Variants in PCCA observed in about 807,000 individuals in gnomAD.
The protein encoded by PCCA is propionyl-CoA carboxylase alpha chain, mitochondrial.
Under a neutral mutation model 101.3 loss-of-function variants are expected in PCCA, and 74 were observed. The observed-to-expected ratio is 0.73, with a 90% confidence interval of 0.61 to 0.89. The LOEUF is 0.89. Among genes scored for constraint, PCCA ranks in the 40% least tolerant of loss-of-function variants. The pLI is 0.00. For missense variants in PCCA, 891 were observed against 907.0 expected, an observed-to-expected ratio of 0.98 and a Z score of 0.23; for synonymous variants, 294 against 313.6, an observed-to-expected ratio of 0.94 and a Z score of 0.66.
chr13:100,447,837 C>T (rs1187022054), intron 20 of PCCA, among the ~76,000 whole-genome samples: 2 of 152,172 alleles, frequency 1.3e-5, no homozygotes, highest in African/African-American at 4.8e-5. Context: ...AAACCACTGT[C>T]TTTCTTATTG....
At chr13:100,429,427 G>A (rs545633085) in intron 20 of PCCA, among the ~76,000 whole-genome samples, 2 of 151,844 alleles carry the variant, frequency 1.3e-5, no homozygotes, top group African/African-American at 2.4e-5. Context: ...ATTGATTACT[G>A]TAGTAATTGA....
intron 12 of PCCA, among the ~76,000 whole-genome samples, chr13:100,273,630 G>T (rs1210721937): frequency 6.6e-6 from 1 of 152,118 alleles, no homozygotes; most frequent in Non-Finnish European, 1.5e-5. Flanking sequence ...CAGTGTGTAT[G>T]TGCTGTTAAG....
At chr13:100,500,773 A>C (rs2085607920) in intron 21 of PCCA, among the ~76,000 whole-genome samples, 1 of 152,236 alleles carries the variant, frequency 6.6e-6, no homozygotes, top group African/African-American at 2.4e-5. Context: ...TGGGGTAGTA[A>C]CTGTAGACAC....
intron 11 of PCCA, among the ~76,000 whole-genome samples, chr13:100,272,714 A>G (rs1278232198): frequency 6.6e-6 from 1 of 152,178 alleles, no homozygotes; most frequent in Admixed American, 6.5e-5. Context: ...ACCTCTCTGC[A>G]CTTGTTCACA....
chr13:100,340,035 C>A (rs1485407665), intron 17 of PCCA, 122 bp from the exon 18 acceptor site: 2 of 719,848 alleles, frequency 2.8e-6, no homozygotes, highest in Non-Finnish European at 5.1e-6. Context: ...CTAGTACAAT[C>A]CTAGCTGCAT....
chr13:100,434,102 A>ACC (rs1479144974), intron 20 of PCCA, among the ~76,000 whole-genome samples: 2 of 152,090 alleles, frequency 1.3e-5, no homozygotes, highest in African/African-American at 4.8e-5. Context: ...ATGGGACAAG[A>ACC]CCCATCTGGG....
rs190583824 is a variant in PCCA at position 100,347,343 on chromosome 13, C to G, written c.1643+7084C>G. Among the ~76,000 whole-genome samples, 54 of 152,322 alleles carry G rather than the reference C, an allele frequency of 3.5e-4. No homozygotes were observed. The East Asian group carries it at 7.3e-3, about 21-fold the overall frequency. On this transcript the variant is annotated intron_variant, in intron 18 of 23. Transcript: ENST00000376285. ...CATTGCAGTGGTCTGGAACTGATCT[C>G]ACAGTATCTCCAAGGTATTCCTATA...
At chr13:100,296,454 G>A (rs2065539678) in intron 12 of PCCA, among the ~76,000 whole-genome samples, 1 of 149,946 alleles carries the variant, frequency 6.7e-6, no homozygotes, top group Admixed American at 6.6e-5. Flanking sequence ...GTTTTGCCAT[G>A]TTGTCCAGTC....
rs528382074 is a variant in PCCA, at chr13:100,349,838, G to A, written c.1643+9579G>A. On this transcript the variant is annotated intron_variant, in intron 18 of 23. Coordinates refer to ENST00000376285, the MANE Select transcript of PCCA (RefSeq NM_000282.4). Reference sequence around the variant, plus strand: ...ACTCTTTCAGCCACAGTAGCATAACGGGAAATTACTTCCTCTTGGGTTCTT... The same window carrying A: ...ACTCTTTCAGCCACAGTAGCATAACAGGAAATTACTTCCTCTTGGGTTCTT... 2.6e-5 allele frequency among the ~76,000 whole-genome samples: 4 copies of A among 152,268 alleles called. No homozygotes were observed. The East Asian group carries it at 5.8e-4, about 22-fold the overall frequency.
chr13:100,255,836 G>A (rs987544070), intron 8 of PCCA, among the ~76,000 whole-genome samples: 8 of 151,996 alleles, frequency 5.3e-5, no homozygotes, highest in African/African-American at 2.4e-5. Flanking sequence ...TCTATGCTTT[G>A]TCCCCATCTA....
chr13:100,266,637 G>T (rs2062953912), intron 10 of PCCA, among the ~76,000 whole-genome samples: 1 of 152,174 alleles, frequency 6.6e-6, no homozygotes, highest in African/African-American at 2.4e-5. Context: ...AGTCTAAGAA[G>T]TATATGTGTG....
chr13:100,169,395 C>T (rs1415210833), intron 6 of PCCA, among the ~76,000 whole-genome samples: 3 of 146,412 alleles, frequency 2.0e-5, no homozygotes, highest in Non-Finnish European at 3.0e-5. Flanking sequence ...GAGCTGAGAT[C>T]GTGCCACTAC....
chr13:100,249,451 A>G (rs145509760), intron 8 of PCCA, among the ~76,000 whole-genome samples: 257 of 152,260 alleles, frequency 1.7e-3, no homozygotes, highest in African/African-American at 5.9e-3. Context: ...TCTGTCTTAG[A>G]CAATACCATA....
At chr13:100,522,630 G>A (rs2087399441) in intron 22 of PCCA, among the ~76,000 whole-genome samples, 1 of 152,154 alleles carries the variant, frequency 6.6e-6, no homozygotes, top group African/African-American at 2.4e-5. Context: ...TCTTAAAGGA[G>A]ACCTGACTCC....
chr13:100,316,830 G>A (rs940351919), intron 16 of PCCA, among the ~76,000 whole-genome samples: 1 of 151,788 alleles, frequency 6.6e-6, no homozygotes, highest in African/African-American at 2.4e-5. Flanking sequence ...CTGGAGTGTA[G>A]TGGCATGATC....
At chr13:100,524,893 A>ATAGAT (rs1042959537) in intron 22 of PCCA, among the ~76,000 whole-genome samples, 18 of 152,200 alleles carry the variant, frequency 1.2e-4, no homozygotes, top group African/African-American at 3.6e-4. Context: ...GATAGATTAG[A>ATAGAT]TAGATTAGAT....
intron 21 of PCCA, among the ~76,000 whole-genome samples, chr13:100,480,535 G>T (rs2083813440): frequency 6.6e-6 from 1 of 152,186 alleles, no homozygotes; most frequent in African/African-American, 2.4e-5. Flanking sequence ...ACAAATGGGA[G>T]GTTGGCTAAG....
At chr13:100,485,367 A>G (rs2084291812) in intron 21 of PCCA, among the ~76,000 whole-genome samples, 1 of 152,210 alleles carries the variant, frequency 6.6e-6, no homozygotes, top group Non-Finnish European at 1.5e-5. Flanking sequence ...GGTGCTCTGC[A>G]AGTTTCTAGG....
chr13:100,093,040 T>C (rs1410664086), intron 1 of PCCA, among the ~76,000 whole-genome samples: 1 of 152,230 alleles, frequency 6.6e-6, no homozygotes, highest in Non-Finnish European at 1.5e-5. Context: ...TGTGACATTT[T>C]TGATGAAGAG....
Sources: gnomAD v4.1 joint callset for allele counts (sites outside exome capture counted in the v4.1 genomes callset) on GRCh38, gnomAD v4.1.1 for gene constraint, MANE v1.5 for transcripts, NCBI Gene and HGNC (gene_info 2026-07-23, HGNC 2026-07-21) for gene names.